Variants in GPR39 observed in about 807,000 individuals in gnomAD.
GPR39 encodes G protein-coupled receptor 39.
In GPR39, 23 loss-of-function variants were observed where a neutral mutation model predicts 18.4. The observed-to-expected ratio is 1.25, with a 90% CI of 0.90 to 1.77. The LOEUF (loss-of-function observed/expected upper bound fraction) is 1.77. Among genes scored for constraint, GPR39 ranks in the 40% most tolerant of loss-of-function variants. The pLI is 0.00. For synonymous variants in GPR39, 280 were observed against 257.9 expected, an observed-to-expected ratio of 1.09 and a Z score of -0.82; for missense variants, 647 against 602.4, an observed-to-expected ratio of 1.07 and a Z score of -0.78.
intron 1 of GPR39, among the ~76,000 whole-genome samples, chr2:132,461,453 A>G (rs569459038): frequency 2.6e-5 from 4 of 152,334 alleles, no homozygotes; most frequent in South Asian, 4.1e-4. Flanking sequence ...TTCAATTTTG[A>G]AAGTAATATA....
chr2:132,557,471 G>A (rs1454496532), intron 1 of GPR39, among the ~76,000 whole-genome samples: 2 of 152,162 alleles, frequency 1.3e-5, no homozygotes, highest in African/African-American at 2.4e-5. Context: ...TTAACAGAGA[G>A]CTTCAGGTGC....
intron 1 of GPR39, among the ~76,000 whole-genome samples, chr2:132,573,649 G>GTCCC (rs1055577110): frequency 2.0e-5 from 3 of 152,144 alleles, no homozygotes; most frequent in Non-Finnish European, 4.4e-5. Flanking sequence ...ATCCCCCTGG[G>GTCCC]TCCCTCCCAT....
chr2:132,597,313 G>A (rs1422913784), intron 1 of GPR39, among the ~76,000 whole-genome samples: 7 of 152,214 alleles, frequency 4.6e-5, no homozygotes, highest in Non-Finnish European at 1.0e-4. Context: ...AGCAAGAACA[G>A]TGCTAGCTTC....
At chr2:132,607,091 C>T (rs181094746) in intron 1 of GPR39, among the ~76,000 whole-genome samples, 34 of 152,146 alleles carry the variant, frequency 2.2e-4, no homozygotes, top group Non-Finnish European at 3.7e-4. Flanking sequence ...GATCAGAAAG[C>T]TTCCATGGTG....
At chr2:132,532,033 A>T (rs997308229) in intron 1 of GPR39, among the ~76,000 whole-genome samples, 1 of 152,186 alleles carries the variant, frequency 6.6e-6, no homozygotes, top group Non-Finnish European at 1.5e-5. Flanking sequence ...GACACAAAAA[A>T]CCCTTCAAAA....
chr2:132,492,242 A>G (rs553729448), intron 1 of GPR39, among the ~76,000 whole-genome samples: 1 of 144,532 alleles, frequency 6.9e-6, no homozygotes, highest in East Asian at 2.0e-4. Context: ...CCATATATAT[A>G]CATACCATAT....
At position 132,610,853 on chromosome 2, in the gene GPR39, G is replaced by A. The variant is rs535913225; in HGVS notation, c.857-34248G>A. Among the ~76,000 whole-genome samples the A allele has an allele frequency of 2.6e-5, 4 of 151,848 alleles. No homozygotes were observed. The East Asian group carries it at 7.8e-4, about 29-fold the overall frequency. On this transcript the variant is annotated intron_variant, in intron 1 of 1. Transcript: ENST00000329321. ...GGAGCTCTGTCATCATCAACTCATG[G>A]CTTCCAAGGCCCCTGAGCTCCTCTG...
At chr2:132,638,391 G>T (rs1681802462) in intron 1 of GPR39, among the ~76,000 whole-genome samples, 1 of 152,232 alleles carries the variant, frequency 6.6e-6, no homozygotes, top group African/African-American at 2.4e-5. Flanking sequence ...TCTCCAACTT[G>T]TGTGAGCAGC....
chr2:132,444,542 C>G (rs1405480409), intron 1 of GPR39, among the ~76,000 whole-genome samples: 1 of 152,160 alleles, frequency 6.6e-6, no homozygotes, highest in Non-Finnish European at 1.5e-5. Context: ...CCTGCCTCAG[C>G]CTCCCACAGT....
chr2:132,525,370 G>A (rs372188570), intron 1 of GPR39, among the ~76,000 whole-genome samples: 6 of 152,270 alleles, frequency 3.9e-5, no homozygotes, highest in Non-Finnish European at 7.4e-5. Flanking sequence ...AATGTGTGAC[G>A]GCTGTAAGGG....
chr2:132,432,714 A>G (rs1017049594), intron 1 of GPR39, among the ~76,000 whole-genome samples: 1 of 152,234 alleles, frequency 6.6e-6, no homozygotes, highest in African/African-American at 2.4e-5. Flanking sequence ...AATGTGGTAC[A>G]TGAGCATAGC....
intron 1 of GPR39, among the ~76,000 whole-genome samples, chr2:132,624,055 G>A (rs1351836103): frequency 6.6e-6 from 1 of 152,136 alleles, no homozygotes; most frequent in Admixed American, 6.5e-5. Flanking sequence ...GTTTGCTAGG[G>A]GCTACCATGA....
intron 1 of GPR39, among the ~76,000 whole-genome samples, chr2:132,602,187 A>G (rs1284708452): frequency 6.6e-6 from 1 of 152,158 alleles, no homozygotes; most frequent in Non-Finnish European, 1.5e-5. Context: ...TGGTATAAAA[A>G]CAGACATATA....
chr2:132,417,318 C>T lies in GPR39; in HGVS notation c.276C>T (p.Tyr92=). Reference sequence around the variant, plus strand: ...TCATCGGCATGCCCATGGAGTTCTACAGCATCATCTGGAATCCCCTGACCA... The same window carrying T: ...TCATCGGCATGCCCATGGAGTTCTATAGCATCATCTGGAATCCCCTGACCA... ...VFLIGMPMEF[Y]SIIWNPLTTS... is the part of the protein sequence containing the mutation. The change falls in exon 1 of 2, where the codon TAC becomes TAT. Residue 92 remains tyrosine, a synonymous_variant. Coordinates refer to ENST00000329321, the MANE Select transcript of GPR39 (RefSeq NM_001508.3). 6.2e-7 allele frequency: 1 copy of T among 1,614,198 alleles called. No individual in the cohort carries two copies. Among genetic ancestry groups the T allele is most frequent in the Non-Finnish European group, 8.5e-7 (1 of 1,180,036 alleles).
intron 1 of GPR39, among the ~76,000 whole-genome samples, chr2:132,469,908 G>T (rs10928419): frequency 0.97 from 147,850 of 152,254 alleles, 71,960 homozygotes; most frequent in East Asian, 1. Flanking sequence ...CACCAACAGG[G>T]GGAAACTGTT....
At chr2:132,613,743 T>C (rs1395826844) in intron 1 of GPR39, among the ~76,000 whole-genome samples, 2 of 152,218 alleles carry the variant, frequency 1.3e-5, no homozygotes, top group Non-Finnish European at 2.9e-5. Flanking sequence ...CATTTACTTA[T>C]GGAAGCATGG....
chr2:132,606,677 C>T (rs1376374837), intron 1 of GPR39, among the ~76,000 whole-genome samples: 1 of 152,162 alleles, frequency 6.6e-6, no homozygotes, highest in Non-Finnish European at 1.5e-5. Flanking sequence ...TTTCTGTATC[C>T]CAAGTTCTTG....
chr2:132,452,429 T>C (rs1412976296), intron 1 of GPR39, among the ~76,000 whole-genome samples: 3 of 152,158 alleles, frequency 2.0e-5, no homozygotes, highest in African/African-American at 7.2e-5. Flanking sequence ...TTCCATTTCA[T>C]TCTGTTCTTA....
intron 1 of GPR39, among the ~76,000 whole-genome samples, chr2:132,598,556 G>A (rs1464504289): frequency 6.6e-6 from 1 of 151,466 alleles, no homozygotes; most frequent in Non-Finnish European, 1.5e-5. Flanking sequence ...GAGAGGCCAG[G>A]ACAACTGAAT....
Sources: gnomAD v4.1 joint callset for allele counts (sites outside exome capture counted in the v4.1 genomes callset) on GRCh38, gnomAD v4.1.1 for gene constraint, MANE v1.5 for transcripts, NCBI Gene and HGNC (gene_info 2026-07-23, HGNC 2026-07-21) for gene names.